The following PLCB4 variants were observed in gnomAD, a reference collection of about 807,000 sequenced individuals.
The protein encoded by PLCB4 is 1-phosphatidylinositol 4,5-bisphosphate phosphodiesterase beta-4.
Under a neutral mutation model 178.8 loss-of-function variants are expected in PLCB4, and 77 were observed. The ratio of observed to expected loss-of-function variants is 0.43; its 90% CI spans 0.36 to 0.52. The LOEUF is 0.52. PLCB4 is among the 20% of genes least tolerant of loss of function. The pLI is 0.00. For missense variants in PLCB4, 1,024 were observed against 1,453.4 expected (o/e 0.70, Z 4.80); for synonymous variants, 496 against 490.8 (o/e 1.01, Z -0.14).
chr20:9,455,208 T>G (rs1249861877), intron 33 of PLCB4, among the ~76,000 whole-genome samples: 1 of 152,222 alleles, frequency 6.6e-6, no homozygotes, highest in Non-Finnish European at 1.5e-5. Context: ...TATAGTACTC[T>G]CCAAGAATAA....
chr20:9,116,918 T>C (rs1029416515), intron 2 of PLCB4, among the ~76,000 whole-genome samples: 1 of 152,176 alleles, frequency 6.6e-6, no homozygotes, highest in Non-Finnish European at 1.5e-5. Flanking sequence ...TTATTCAACT[T>C]ATTTCTGCAT....
chr20:9,444,178 G>A lies in PLCB4; in HGVS notation c.2815G>A (p.Ala939Thr), dbSNP rs199578084. The A allele has an allele frequency of 5.8e-5, 92 of 1,596,700 alleles. No individual in the cohort carries two copies. Among genetic ancestry groups the A allele is most frequent in the Middle Eastern group, 3.3e-4 (2 of 6,020 alleles). ...TTTTGATTCTATTTTTCTCCCAAAGGCTTACTTGAAGCATTTAAAGAAACA... is the reference window on the plus strand; with the variant it reads ...TTTTGATTCTATTTTTCTCCCAAAGACTTACTTGAAGCATTTAAAGAAACA... ...VRIEDLKQMK[A>T]YLKHLKKQQK... The change falls in exon 32 of 40, where the codon GCT (alanine) becomes ACT (threonine). Residue 939 changes from alanine (A) to threonine (T), a missense_variant and splice_region_variant. Coordinates refer to ENST00000378473, the MANE Select transcript of PLCB4 (RefSeq NM_001377142.1).
intron 33 of PLCB4, among the ~76,000 whole-genome samples, chr20:9,456,106 A>C (rs994161318): frequency 3.9e-5 from 6 of 152,172 alleles, no homozygotes; most frequent in Non-Finnish European, 5.9e-5. Flanking sequence ...GAAGTGCTGG[A>C]ATTACAAGCG....
intron 1 of PLCB4, among the ~76,000 whole-genome samples, chr20:9,092,080 G>A (rs376962247): frequency 6.6e-6 from 1 of 152,098 alleles, no homozygotes; most frequent in Non-Finnish European, 1.5e-5. Context: ...TTCAGCCCTC[G>A]AGAGGTATTT....
intron 4 of PLCB4, among the ~76,000 whole-genome samples, chr20:9,313,634 C>G (rs1474303824): frequency 1.3e-5 from 2 of 152,192 alleles, no homozygotes; most frequent in Non-Finnish European, 2.9e-5. Context: ...TACTGGCTGT[C>G]TTGCCATGAG....
At chr20:9,405,258 A>T (rs2039348554) in intron 20 of PLCB4, 55 bp from the exon 21 acceptor site, 6 of 915,578 alleles carry the variant, frequency 6.6e-6, no homozygotes, top group South Asian at 6.1e-5. Flanking sequence ...TGGCTAATAA[A>T]TTTGGAATTT....
intron 32 of PLCB4, among the ~76,000 whole-genome samples, chr20:9,451,877 C>T (rs6108298): frequency 1.3e-5 from 2 of 152,236 alleles, no homozygotes; most frequent in African/African-American, 4.8e-5. Flanking sequence ...CACCCCAGCA[C>T]TGAAAAACCC....
At chr20:9,172,065 T>A (rs528745293) in intron 2 of PLCB4, among the ~76,000 whole-genome samples, 6 of 152,222 alleles carry the variant, frequency 3.9e-5, no homozygotes, top group Non-Finnish European at 5.9e-5. Flanking sequence ...GTTACTTCCA[T>A]GTGTCTGGCC....
intron 7 of PLCB4, among the ~76,000 whole-genome samples, chr20:9,343,345 CT>C (rs2033447260): frequency 6.6e-6 from 1 of 152,142 alleles, no homozygotes; most frequent in Non-Finnish European, 1.5e-5. Flanking sequence ...GTGGAGGAAG[CT>C]TTCCTGACTT....
At chr20:9,248,058 T>C (rs1435588194) in intron 3 of PLCB4, among the ~76,000 whole-genome samples, 1 of 152,146 alleles carries the variant, frequency 6.6e-6, no homozygotes, top group Admixed American at 6.5e-5. Flanking sequence ...AACTGTAGTA[T>C]TGTGGACAAT....
chr20:9,139,075 A>T (rs965313536), intron 2 of PLCB4, among the ~76,000 whole-genome samples: 1 of 152,162 alleles, frequency 6.6e-6, no homozygotes, highest in Non-Finnish European at 1.5e-5. Context: ...GTCAGGTATC[A>T]TGGAACTATT....
chr20:9,459,192 A>T (rs1206219376), intron 34 of PLCB4, among the ~76,000 whole-genome samples: 1 of 152,100 alleles, frequency 6.6e-6, no homozygotes, highest in African/African-American at 2.4e-5. Flanking sequence ...AAAAATACAA[A>T]AATTAGCTGG....
intron 3 of PLCB4, among the ~76,000 whole-genome samples, chr20:9,252,484 T>A (rs2094191780): frequency 6.6e-6 from 1 of 152,256 alleles, no homozygotes; most frequent in Non-Finnish European, 1.5e-5. Context: ...TACTGTTGCC[T>A]GCACCCTATC....
chr20:9,389,053 A>G (rs2037917034), intron 15 of PLCB4, among the ~76,000 whole-genome samples: 1 of 152,146 alleles, frequency 6.6e-6, no homozygotes, highest in Non-Finnish European at 1.5e-5. Flanking sequence ...AACCAGTAAG[A>G]ATTTGGGGAT....
intron 38 of PLCB4, among the ~76,000 whole-genome samples, chr20:9,475,066 A>G (rs532391571): frequency 6.6e-6 from 1 of 152,384 alleles, no homozygotes; most frequent in African/African-American, 2.4e-5. Context: ...CAGTGATTCA[A>G]CAATGGGTAG....
intron 2 of PLCB4, among the ~76,000 whole-genome samples, chr20:9,131,791 C>G (rs2092278932): frequency 6.6e-6 from 1 of 152,082 alleles, no homozygotes; most frequent in South Asian, 2.1e-4. Context: ...ATATAACTTC[C>G]TTTGGTTGAT....
intron 2 of PLCB4, among the ~76,000 whole-genome samples, chr20:9,206,664 ATT>A (rs1301727499): frequency 2.0e-5 from 3 of 152,158 alleles, no homozygotes; most frequent in African/African-American, 7.2e-5. Flanking sequence ...GCAGAGAATA[ATT>A]ACCTGGGTTG....
chr20:9,332,459 A>G (rs2031820620), intron 4 of PLCB4, among the ~76,000 whole-genome samples: 1 of 152,160 alleles, frequency 6.6e-6, no homozygotes, highest in South Asian at 2.1e-4. Flanking sequence ...ATTACCTCTC[A>G]TCCCTCAGAT....
At chr20:9,075,137 T>C (rs1040737708) in intron 1 of PLCB4, among the ~76,000 whole-genome samples, 1 of 152,178 alleles carries the variant, frequency 6.6e-6, no homozygotes, top group African/African-American at 2.4e-5. Context: ...GGTTAGGAGA[T>C]GTTAAATTAA....
Sources: allele counts gnomAD v4.1 joint callset (sites outside exome capture counted in the v4.1 genomes callset), GRCh38; gene constraint gnomAD v4.1.1; transcripts MANE v1.5; gene names NCBI Gene and HGNC (gene_info 2026-07-23, HGNC 2026-07-21).